KCNT1: variants seen among roughly 807,000 people sequenced by gnomAD.
KCNT1 encodes the protein potassium sodium-activated channel subfamily T member 1, also known as potassium channel subfamily T member 1.
In KCNT1, 78 loss-of-function variants were observed where a neutral mutation model predicts 147.8. The ratio of observed to expected loss-of-function variants is 0.53; its 90% confidence interval spans 0.44 to 0.64. The LOEUF (loss-of-function observed/expected upper bound fraction) is 0.64. Among genes scored for constraint, KCNT1 ranks in the 30% least tolerant of loss-of-function variants. The pLI is 0.00. For synonymous variants in KCNT1, 867 were observed against 748.8 expected, an observed-to-expected ratio of 1.16 and a Z score of -2.58; for missense variants, 1,419 against 1,750.3, an observed-to-expected ratio of 0.81 and a Z score of 3.38.
At chr9:135,772,150 C>T (rs1392363832) in intron 18 of KCNT1, among the ~76,000 whole-genome samples, 2 of 152,226 alleles carry the variant, frequency 1.3e-5, no homozygotes, top group Non-Finnish European at 2.9e-5. Context: ...CTAGCCACAC[C>T]TCCACCTTCA....
In KCNT1 at chr9:135,759,716, A is replaced by G. The variant is rs1315701914; in HGVS notation, c.892A>G (p.Asn298Asp). ...GIQHLERAGE[N>D]LSLLTSFYFC... Reference sequence around the variant, plus strand: ...CCAGCACCTGGAGCGGGCGGGCGAGAACCTGTCCCTCCTGACCTCCTTCTA... The same window carrying G: ...CCAGCACCTGGAGCGGGCGGGCGAGGACCTGTCCCTCCTGACCTCCTTCTA... The change falls in exon 11 of 31, where the codon AAC (asparagine) becomes GAC (aspartate). Residue 298 changes from asparagine to aspartate, a missense_variant. By Grantham distance (23) the Asn-to-Asp change is conservative. This residue lies in a region of KCNT1 where 401 missense variants were observed against 610.6 expected (regional missense o/e 0.66). Transcript: ENST00000371757. 1 of 1,613,026 alleles carries G rather than the reference A, an allele frequency of 6.2e-7. No individual in the cohort carries two copies. The highest frequency in any genetic ancestry group is 2.2e-5 in the East Asian group (1 of 44,846).
rs376291227 is a variant in KCNT1, at chr9:135,765,581, C to G, written c.1201-43C>G. ...TGAAGGCAGGGCCGCCCGGGCGGGG[C>G]AGGGGCTGGCTCAGAGGGTCTGACC... On this transcript the variant is annotated intron_variant, in intron 12 of 30. Transcript: ENST00000371757. The G allele has an allele frequency of 4.0e-5, 64 of 1,580,608 alleles. No homozygotes were observed. The East Asian group carries it at 1.3e-3, about 33-fold the overall frequency.
Position 135,765,672 on chromosome 9 carries a change from C to G in KCNT1, c.1249C>G (p.Arg417Gly), listed in dbSNP as rs781342838. Residue 417 changes from arginine (R) to glycine (G), a missense_variant, in exon 13 of 31, where the codon CGC (arginine) becomes GGC (glycine). Physicochemically the swap from Arg to Gly is moderately radical, Grantham distance 125 (BLOSUM62 -2). Around this residue, in one of 5 missense-constraint regions of KCNT1, gnomAD observed 401 missense variants for 610.6 expected, o/e 0.66. Transcript: ENST00000371757. Reference sequence around the variant, plus strand: ...CCCCACGGAGATGGATGTCCAGGTGCGCAGAGTCCTGCAGATCCCTCTGTG... The same window carrying G: ...CCCCACGGAGATGGATGTCCAGGTGGGCAGAGTCCTGCAGATCCCTCTGTG... ...LCPTEMDVQVRRVLQIPLWSQ... is the reference protein window; with the variant it reads ...LCPTEMDVQVGRVLQIPLWSQ... 10 of 1,610,806 alleles carry G rather than the reference C, an allele frequency of 6.2e-6. No homozygotes were observed. The highest frequency in any genetic ancestry group is 8.5e-6 in the Non-Finnish European group (10 of 1,179,030).
intron 1 of KCNT1, among the ~76,000 whole-genome samples, chr9:135,706,924 A>G (rs1835279749): frequency 6.6e-6 from 1 of 151,892 alleles, no homozygotes; most frequent in Admixed American, 6.6e-5. Context: ...GCCTCCCTAA[A>G]GTGGCCCAGC....
chr9:135,721,632 G>T (rs1835929848), intron 2 of KCNT1, among the ~76,000 whole-genome samples: 1 of 152,234 alleles, frequency 6.6e-6, no homozygotes, highest in Admixed American at 6.5e-5. Flanking sequence ...CTGCATGATT[G>T]AGTCAAGGTC....
chr9:135,724,159 G>C lies in KCNT1; in HGVS notation c.254+9439G>C, dbSNP rs1055269291. ...GAGAGGCACAGGGGGAGGGCACCAA[G>C]GGCCTTGCAGTCCAGGCCAGCCTCA... On this transcript the variant is annotated intron_variant, in intron 2 of 30. Coordinates refer to ENST00000371757, the MANE Select transcript of KCNT1 (RefSeq NM_020822.3). Among the ~76,000 whole-genome samples the C allele has an allele frequency of 5.3e-5, 8 of 152,222 alleles. No homozygotes were observed. The South Asian group carries it at 6.2e-4, about 12-fold the overall frequency.
rs41310951 is a variant in KCNT1 at position 135,777,523 on chromosome 9, G to A, written c.2522+13G>A. 40 of 1,610,298 alleles carry A rather than the reference G, an allele frequency of 2.5e-5. No individual in the cohort carries two copies. The highest frequency in any genetic ancestry group is 3.1e-5 in the Non-Finnish European group (37 of 1,178,846). On this transcript the variant is annotated intron_variant, in intron 21 of 30. Coordinates refer to ENST00000371757, the MANE Select transcript of KCNT1 (RefSeq NM_020822.3). Reference sequence around the variant, plus strand: ...TGCTGGACAACAAGTGAGGCTCCTGGGGCTCAGCCCACCCCGCCCACCCGG... The same window carrying A: ...TGCTGGACAACAAGTGAGGCTCCTGAGGCTCAGCCCACCCCGCCCACCCGG...
At chr9:135,726,110 G>C (rs1178733397) in intron 2 of KCNT1, among the ~76,000 whole-genome samples, 2 of 152,118 alleles carry the variant, frequency 1.3e-5, no homozygotes, top group African/African-American at 2.4e-5. Flanking sequence ...CAAAGGACTG[G>C]GGAGAGGCCT....
At chr9:135,746,671 G>T (rs1315581617) in intron 2 of KCNT1, among the ~76,000 whole-genome samples, 1 of 152,148 alleles carries the variant, frequency 6.6e-6, no homozygotes, top group Admixed American at 6.5e-5. Context: ...AAAGGGAGGA[G>T]CAGGAGCTCC....
chr9:135,769,990 G>T lies in KCNT1; in HGVS notation c.1554G>T (p.Ala518=). Reference sequence around the variant, plus strand: ...AGGAGTGCAAGTACGCCATGCTGGCGCTGAACTGCATCTGCCCGGCGACCT... The same window carrying T: ...AGGAGTGCAAGTACGCCATGCTGGCTCTGAACTGCATCTGCCCGGCGACCT... ...CEEECKYAML[A]LNCICPATST... The change falls in exon 16 of 31, where the codon GCG becomes GCT. Residue 518 remains alanine (A), a synonymous_variant. Transcript: ENST00000371757. 6.4e-7 allele frequency: 1 copy of T among 1,557,312 alleles called. No homozygotes were observed.
At chr9:135,784,947 G>C in intron 27 of KCNT1, 58 bp downstream of exon 27, 1 of 1,586,450 alleles carries the variant, frequency 6.3e-7, no homozygotes, top group South Asian at 1.1e-5. Context: ...GTGACCCACA[G>C]CATCCCCACC....
At chr9:135,735,460 TC>T (rs1830295796) in intron 2 of KCNT1, among the ~76,000 whole-genome samples, 1 of 152,050 alleles carries the variant, frequency 6.6e-6, no homozygotes, top group South Asian at 2.1e-4. Flanking sequence ...CCCCACCCCA[TC>T]CGCGTTGGCC....
rs759819281 is a variant in KCNT1, at chr9:135,770,998, C to T, written c.1911C>T (p.Phe637=). ...AGGAGGAGAACTCGGCCTTCATCTT[C>T]AAGCAGGAGGAGAAGCGGAAGAAGA... ...ITKEENSAFI[F]KQEEKRKKRA... is the part of the protein sequence containing the mutation. The change falls in exon 18 of 31, where the codon TTC becomes TTT. Residue 637 remains phenylalanine, a synonymous_variant. Transcript: ENST00000371757. The T allele has an allele frequency of 3.1e-6, 5 of 1,613,818 alleles. No individual in the cohort carries two copies. The African/African-American group carries it at 6.7e-5, about 22-fold the overall frequency.
At chr9:135,777,634 T>C (rs1833263785) in intron 21 of KCNT1, 124 bp downstream of exon 21, 3 of 893,138 alleles carry the variant, frequency 3.4e-6, no homozygotes, top group Non-Finnish European at 5.1e-6. Flanking sequence ...GCCTCTGGCC[T>C]GGTCCTCTCA....
In KCNT1 at chr9:135,785,315, C is replaced by G; in HGVS notation, c.3162C>G (p.His1054Gln). The G allele has an allele frequency of 6.2e-7, 1 of 1,613,006 alleles. No homozygotes were observed. The highest frequency in any genetic ancestry group is 1.1e-5 in the South Asian group (1 of 91,086). Residue 1054 changes from histidine (H) to glutamine (Q), a missense_variant, in exon 28 of 31, where the codon CAC (histidine) becomes CAG (glutamine). His to Gln is a conservative substitution (Grantham distance 24). This residue lies in a region of KCNT1 where 306 missense variants were observed against 294.2 expected (regional missense o/e 1.04). Transcript: ENST00000371757. The part of the protein sequence containing the change: ...ESHVFSTSEP[H>Q]DLRAQSQISV... Reference sequence around the variant, plus strand: ...TGCGCCTGTTTCCTTTGCAGCCCCACGACCTCAGAGCCCAGGTAAGCAACC... The same window carrying G: ...TGCGCCTGTTTCCTTTGCAGCCCCAGGACCTCAGAGCCCAGGTAAGCAACC...
chr9:135,775,337 G>T lies in KCNT1; in HGVS notation c.2271G>T (p.Ser757=), dbSNP rs374981764. 14 of 1,609,294 alleles carry T rather than the reference G, an allele frequency of 8.7e-6. No individual in the cohort carries two copies. Among genetic ancestry groups the T allele is most frequent in the Non-Finnish European group, 1.2e-5 (14 of 1,177,792 alleles). The change falls in exon 20 of 31, where the codon TCG becomes TCT. Residue 757 remains serine, a synonymous_variant. Transcript: ENST00000371757. The part of the protein sequence containing the change: ...VEYVKGYPPN[S]PYIGSSPTLC... Reference sequence around the variant, plus strand: ...ATGTGAAGGGCTACCCTCCCAACTCGCCCTACATCGGCAGCTCCCCAACCC... The same window carrying T: ...ATGTGAAGGGCTACCCTCCCAACTCTCCCTACATCGGCAGCTCCCCAACCC...
intron 16 of KCNT1, 29 bp from the exon 17 acceptor site, chr9:135,770,269 C>T (rs370058846): frequency 8.0e-5 from 125 of 1,561,080 alleles, no homozygotes; most frequent in Admixed American, 2.6e-4. Context: ...CCGAGGGTGA[C>T]GCTCCCCTGG....
At chr9:135,706,602 A>C (rs1288147153) in intron 1 of KCNT1, among the ~76,000 whole-genome samples, 1 of 152,040 alleles carries the variant, frequency 6.6e-6, no homozygotes, top group Non-Finnish European at 1.5e-5. Flanking sequence ...CTTTGTAGCC[A>C]CTCTGGGGCA....
In KCNT1 at chr9:135,758,429, G is replaced by T; in HGVS notation, c.775G>T (p.Ala259Ser). The T allele has an allele frequency of 6.2e-7, 1 of 1,613,104 alleles. No individual in the cohort carries two copies. Among genetic ancestry groups the T allele is most frequent in the East Asian group, 2.2e-5 (1 of 44,886 alleles). Residue 259 changes from alanine (A) to serine (S), a missense_variant, in exon 10 of 31, where the codon GCC (alanine) becomes TCC (serine). Physicochemically the swap from Ala to Ser is moderately conservative, Grantham distance 99. Around this residue, in one of 5 missense-constraint regions of KCNT1, gnomAD observed 401 missense variants for 610.6 expected, o/e 0.66. Transcript: ENST00000371757. ...CCTTCCACAGAATGACTTCCACCGT[G>T]CCATCCTGCGGACACAGTCAGCCAT... Reference protein sequence around the residue: ...LENMINDFHRAILRTQSAMFN... With the variant: ...LENMINDFHRSILRTQSAMFN...
Sources: gnomAD v4.1 joint callset for allele counts (sites outside exome capture counted in the v4.1 genomes callset) on GRCh38, gnomAD v4.1.1 for gene constraint, gnomAD v4.1.1 regional missense constraint, MANE v1.5 for transcripts, NCBI Gene and HGNC (gene_info 2026-07-23, HGNC 2026-07-21) for gene names.